DOCK3: variants seen among roughly 807,000 people sequenced by gnomAD.
DOCK3 encodes the protein dedicator of cytokinesis 3.
A neutral mutation model predicts 265.6 loss-of-function variants in DOCK3; 60 were observed. The observed-to-expected ratio is 0.23, with a 90% CI of 0.18 to 0.28. The LOEUF is 0.28. DOCK3 is among the 10% of genes least tolerant of loss of function. The probability of loss-of-function intolerance (pLI) is 1.00; values close to 1 mark genes in which losing one functional copy is unlikely to be tolerated. For synonymous variants in DOCK3, 881 were observed against 938.0 expected, an observed-to-expected ratio of 0.94 and a Z score of 1.11; for missense variants, 1,981 against 2,594.3, an observed-to-expected ratio of 0.76 and a Z score of 5.14.
At chr3:51,079,038 G>A (rs1049444448) in intron 7 of DOCK3, among the ~76,000 whole-genome samples, 3 of 152,028 alleles carry the variant, frequency 2.0e-5, no homozygotes, top group Non-Finnish European at 1.5e-5. Context: ...TAAATGTTTT[G>A]GTTAAATCTT....
In DOCK3 at chr3:51,080,846, C is replaced by T. The variant is rs1021174208; in HGVS notation, c.549+5406C>T. On this transcript the variant is annotated intron_variant, in intron 7 of 52. Coordinates refer to ENST00000266037, the MANE Select transcript of DOCK3 (RefSeq NM_004947.5). ...GAATTTATTTTAGTCTAGTAACCTT[C>T]CAGTGAGATATGGTCAGTAAACCAC... Among the ~76,000 whole-genome samples the T allele has an allele frequency of 2.0e-5, 3 of 151,562 alleles. No homozygotes were observed. The East Asian group carries it at 5.8e-4, about 29-fold the overall frequency.
At chr3:50,700,895 AT>A (rs1313327366) in intron 1 of DOCK3, among the ~76,000 whole-genome samples, 1 of 152,154 alleles carries the variant, frequency 6.6e-6, no homozygotes, top group Non-Finnish European at 1.5e-5. Flanking sequence ...GGCCATACTA[AT>A]TTAGATTCCT....
intron 18 of DOCK3, among the ~76,000 whole-genome samples, chr3:51,229,237 G>A (rs2090448232): frequency 6.6e-6 from 1 of 152,146 alleles, no homozygotes; most frequent in African/African-American, 2.4e-5. Context: ...GATCACTTGA[G>A]GTCAGGAGTT....
intron 27 of DOCK3, among the ~76,000 whole-genome samples, chr3:51,299,599 T>G (rs189613158): frequency 1.3e-5 from 2 of 152,330 alleles, no homozygotes; most frequent in Admixed American, 1.3e-4. Flanking sequence ...TTATATAAAG[T>G]GTAAGGAAGG....
chr3:50,859,522 G>A (rs2046800697), intron 3 of DOCK3, among the ~76,000 whole-genome samples: 1 of 151,810 alleles, frequency 6.6e-6, no homozygotes. Context: ...GGCCCGGTGT[G>A]GTTTTTTTGT....
At chr3:50,942,967 T>A (rs12488831) in intron 5 of DOCK3, among the ~76,000 whole-genome samples, 13,486 of 151,990 alleles carry the variant, frequency 0.089, 1,225 homozygotes, top group East Asian at 0.33. Context: ...GTTATGTTGA[T>A]TATATGTGGA....
intron 3 of DOCK3, among the ~76,000 whole-genome samples, chr3:50,889,066 GGTGTGTGTGTGTGTGTGTGTGTGTGT>G (rs36180907): frequency 2.2e-5 from 3 of 134,192 alleles, no homozygotes; most frequent in East Asian, 2.1e-4. Flanking sequence ...TTAAGCCATG[GGTGTGTGTGTGTGTGTGTGTGTGTGT>G]GTGTGTGTGT....
In DOCK3 at chr3:51,075,372, C is replaced by T; in HGVS notation, c.481C>T (p.Leu161=). The T allele has an allele frequency of 6.2e-7, 1 of 1,610,924 alleles. No individual in the cohort carries two copies. The highest frequency in any genetic ancestry group is 8.5e-7 in the Non-Finnish European group (1 of 1,178,712). The change falls in exon 7 of 53, where the codon CTG becomes TTG. Residue 161 remains leucine, a synonymous_variant. Transcript: ENST00000266037. The stretch of plus-strand genomic sequence containing the variant: ...CTTTACTAGACATTTGGGCCTGGAC[C>T]TGGTGCCTCGGAAGGACTTTGAAGT... ...DWGNEHLGLD[L]VPRKDFEVVD...
At chr3:51,114,964 C>G (rs2083672066) in intron 9 of DOCK3, among the ~76,000 whole-genome samples, 1 of 152,066 alleles carries the variant, frequency 6.6e-6, no homozygotes, top group South Asian at 2.1e-4. Flanking sequence ...TCATTCATGT[C>G]CCTGCAAAGG....
At chr3:51,239,977 C>T (rs1263857443) in intron 21 of DOCK3, among the ~76,000 whole-genome samples, 2 of 152,020 alleles carry the variant, frequency 1.3e-5, no homozygotes, top group African/African-American at 2.4e-5. Flanking sequence ...TATTTCATGT[C>T]TTCTGCTAGT....
intron 5 of DOCK3, among the ~76,000 whole-genome samples, chr3:50,998,162 T>C (rs1370600670): frequency 1.3e-5 from 2 of 152,190 alleles, no homozygotes; most frequent in African/African-American, 4.8e-5. Context: ...TAACAAAAAT[T>C]GCCCTGTGTC....
chr3:51,117,308 G>A (rs572028508), intron 9 of DOCK3, among the ~76,000 whole-genome samples: 4 of 152,324 alleles, frequency 2.6e-5, no homozygotes, highest in Admixed American at 2.0e-4. Flanking sequence ...TCCCAGGGGT[G>A]AAGCTGACTT....
rs2036047234 is a variant in DOCK3, at chr3:50,701,638, T to C, written c.37+26338T>C. Among the ~76,000 whole-genome samples the C allele has an allele frequency of 2.0e-5, 3 of 152,202 alleles. No homozygotes were observed. The South Asian group carries it at 6.2e-4, about 31-fold the overall frequency. On this transcript the variant is annotated intron_variant, in intron 1 of 52. Transcript: ENST00000266037. ...GTTTTTGTTGCCTGTGCTTTTGAGG[T>C]CTTAGTCATAAAATCTTTGTGTAGA...
chr3:51,093,069 T>C (rs2082701143), intron 9 of DOCK3, among the ~76,000 whole-genome samples: 1 of 152,216 alleles, frequency 6.6e-6, no homozygotes, highest in African/African-American at 2.4e-5. Context: ...ACACGATGTT[T>C]TGGTTACCGT....
chr3:51,009,809 T>C (rs1333358417), intron 5 of DOCK3, among the ~76,000 whole-genome samples: 1 of 152,244 alleles, frequency 6.6e-6, no homozygotes, highest in Non-Finnish European at 1.5e-5. Flanking sequence ...GTGATTCTGG[T>C]ATGTTGTGTC....
At chr3:50,904,834 C>T (rs534705342) in intron 4 of DOCK3, among the ~76,000 whole-genome samples, 1 of 152,192 alleles carries the variant, frequency 6.6e-6, no homozygotes, top group East Asian at 1.9e-4. Flanking sequence ...GAAGTCCTTG[C>T]ACATGCCTAT....
intron 3 of DOCK3, among the ~76,000 whole-genome samples, chr3:50,874,726 T>A (rs949960247): frequency 1.1e-4 from 17 of 152,186 alleles, no homozygotes; most frequent in Non-Finnish European, 2.1e-4. Flanking sequence ...TAAATCAGAT[T>A]GCCTTTTTGA....
chr3:51,284,049 G>A (rs559027177), intron 27 of DOCK3, among the ~76,000 whole-genome samples: 11 of 152,150 alleles, frequency 7.2e-5, no homozygotes, highest in South Asian at 6.2e-4. Context: ...AGCCTGAGAA[G>A]CAGATTGGTA....
intron 5 of DOCK3, among the ~76,000 whole-genome samples, chr3:51,031,435 C>G (rs2080043560): frequency 6.6e-6 from 1 of 152,190 alleles, no homozygotes; most frequent in South Asian, 2.1e-4. Context: ...CTTAAAGTCT[C>G]TGAATGGGGA....
Sources: allele counts gnomAD v4.1 joint callset (sites outside exome capture counted in the v4.1 genomes callset), GRCh38; gene constraint gnomAD v4.1.1; transcripts MANE v1.5; gene names NCBI Gene and HGNC (gene_info 2026-07-23, HGNC 2026-07-21).